Variants in CNTNAP4 observed in about 807,000 individuals in gnomAD.
CNTNAP4 encodes contactin associated protein family member 4, also known as contactin-associated protein-like 4.
A neutral mutation model predicts 148.4 loss-of-function variants in CNTNAP4; 98 were observed. The ratio of observed to expected loss-of-function variants is 0.66; its 90% CI spans 0.56 to 0.78. The LOEUF (loss-of-function observed/expected upper bound fraction) is 0.78. Among genes scored for constraint, CNTNAP4 ranks in the 30% least tolerant of loss-of-function variants. CNTNAP4 has a pLI of 0.00. For synonymous variants in CNTNAP4, 730 were observed against 565.1 expected, an observed-to-expected ratio of 1.29 and a Z score of -4.14; for missense variants, 1,935 against 1,565.6, an observed-to-expected ratio of 1.24 and a Z score of -3.98.
chr16:76,535,880 A>G, intron 18 of CNTNAP4, 96 bp downstream of exon 18: 1 of 1,391,830 alleles, frequency 7.2e-7, no homozygotes. Context: ...AAACAAAAAA[A>G]ATTCAATTTC....
chr16:76,324,518 A>G (rs1962761101), intron 2 of CNTNAP4, among the ~76,000 whole-genome samples: 1 of 152,196 alleles, frequency 6.6e-6, no homozygotes, highest in Non-Finnish European at 1.5e-5. Flanking sequence ...AAGGAAGAAG[A>G]AACCAAATAA....
chr16:76,338,622 C>G (rs2144324339), intron 2 of CNTNAP4, among the ~76,000 whole-genome samples: 1 of 152,292 alleles, frequency 6.6e-6, no homozygotes. Flanking sequence ...CTCTTGTAAT[C>G]TGCATCACCT....
chr16:76,557,233 G>C (rs2085234924), intron 23 of CNTNAP4: 1 of 152,070 alleles, frequency 6.6e-6, no homozygotes, highest in Admixed American at 6.5e-5. Context: ...CACAACATAT[G>C]CTGTGTAATT....
intron 7 of CNTNAP4, 83 bp from the exon 8 acceptor site, chr16:76,452,425 A>G: frequency 7.2e-7 from 1 of 1,382,502 alleles, no homozygotes; most frequent in Non-Finnish European, 1.0e-6. Context: ...GGATAATGTG[A>G]GATTGAAAAG....
rs905130888 is a variant in CNTNAP4, at chr16:76,430,782, A to G, written c.538+3183A>G. 3.9e-5 allele frequency among the ~76,000 whole-genome samples: 6 copies of G among 152,138 alleles called. No homozygotes were observed. The South Asian group carries it at 6.2e-4, about 16-fold the overall frequency. ...CAGACTGCTTCATCTCTTCTGACAT[A>G]GAAGAAGGTGAACTTAAGAGAAATT... On this transcript the variant is annotated intron_variant, in intron 4 of 23. Coordinates refer to ENST00000611870, the MANE Select transcript of CNTNAP4 (RefSeq NM_033401.5).
chr16:76,277,624 C>T lies in CNTNAP4; in HGVS notation c.-39C>T. The T allele has an allele frequency of 6.9e-7, 1 of 1,439,514 alleles. No individual in the cohort carries two copies. Among genetic ancestry groups the T allele is most frequent in the African/African-American group, 1.4e-5 (1 of 71,592 alleles). The allele number at this position is 1,439,514 out of a possible 1,614,324, so 89.2% of individuals were successfully genotyped here. On this transcript the variant is annotated 5_prime_UTR_variant, in exon 1 of 24. Coordinates refer to ENST00000611870, the MANE Select transcript of CNTNAP4 (RefSeq NM_033401.5). ...GAAGAGGACTGGAGCGCTCTGAGAG[C>T]CTCTCAAGATCTTTTGGGGGAGCCC...
At chr16:76,436,775 G>A (rs2079843595) in intron 4 of CNTNAP4, among the ~76,000 whole-genome samples, 1 of 151,994 alleles carries the variant, frequency 6.6e-6, no homozygotes, top group Non-Finnish European at 1.5e-5. Flanking sequence ...TTCATGCCAA[G>A]GACTATCAGT....
chr16:76,342,862 C>A (rs1038702906), intron 2 of CNTNAP4, among the ~76,000 whole-genome samples: 1 of 152,132 alleles, frequency 6.6e-6, no homozygotes, highest in African/African-American at 2.4e-5. Flanking sequence ...AAAGCAATAA[C>A]AACTGCAACG....
At chr16:76,543,979 C>T (rs578018855) in intron 21 of CNTNAP4, among the ~76,000 whole-genome samples, 31 of 152,200 alleles carry the variant, frequency 2.0e-4, no homozygotes, top group African/African-American at 5.5e-4. Context: ...AAACAGAGAA[C>T]GCCACTCAAC....
chr16:76,501,304 C>T (rs2082632568), intron 15 of CNTNAP4, among the ~76,000 whole-genome samples: 1 of 152,158 alleles, frequency 6.6e-6, no homozygotes, highest in Non-Finnish European at 1.5e-5. Context: ...TTTTATACAT[C>T]ACGTGTACCT....
intron 15 of CNTNAP4, among the ~76,000 whole-genome samples, chr16:76,505,267 A>ATCCCAGCCCTAAG (rs2082803254): frequency 2.4e-5 from 1 of 41,292 alleles, no homozygotes; most frequent in African/African-American, 3.6e-5. Flanking sequence ...TGGTGTACCC[A>ATCCCAGCCCTAAG]CAATACACAG....
In CNTNAP4 at chr16:76,277,490, A is replaced by G. The variant is rs1958519603; in HGVS notation, c.-173A>G. On this transcript the variant is annotated 5_prime_UTR_variant, in exon 1 of 24. Transcript: ENST00000611870. Reference sequence around the variant, plus strand: ...GGGGAGAGAGAGAGGGAGAGAGAAGAGAGGGAGGAGGGAAGAAGAAAAGAC... The same window carrying G: ...GGGGAGAGAGAGAGGGAGAGAGAAGGGAGGGAGGAGGGAAGAAGAAAAGAC... 3.4e-6 allele frequency: 2 copies of G among 582,632 alleles called. No individual in the cohort carries two copies. The highest frequency in any genetic ancestry group is 2.2e-5 in the South Asian group (1 of 44,668). 36.1% of individuals were successfully genotyped at this position (582,632 alleles called of 1,614,324 possible).
At chr16:76,294,669 G>T (rs1195717493) in intron 1 of CNTNAP4, among the ~76,000 whole-genome samples, 2 of 152,146 alleles carry the variant, frequency 1.3e-5, no homozygotes, top group African/African-American at 2.4e-5. Flanking sequence ...TATTCATTCA[G>T]TCTATTAAAG....
At chr16:76,508,507 A>G (rs112960038) in intron 15 of CNTNAP4, among the ~76,000 whole-genome samples, 979 of 88,826 alleles carry the variant, frequency 0.011, 135 homozygotes, top group African/African-American at 0.027. Flanking sequence ...TGGAAAATAG[A>G]TTATTTTATG....
intron 5 of CNTNAP4, among the ~76,000 whole-genome samples, chr16:76,448,502 T>C (rs1744662705): frequency 1.3e-5 from 2 of 152,064 alleles, no homozygotes; most frequent in Non-Finnish European, 2.9e-5. Flanking sequence ...GTAAAAATAA[T>C]GAGGTTGTGG....
intron 8 of CNTNAP4, 70 bp from the exon 9 acceptor site, chr16:76,461,886 T>C (rs2080976722): frequency 2.2e-6 from 3 of 1,336,642 alleles, no homozygotes; most frequent in Admixed American, 1.7e-5. Context: ...ATGTGTATAT[T>C]GCTGTTTCTA....
intron 15 of CNTNAP4, among the ~76,000 whole-genome samples, chr16:76,510,644 C>T (rs1003563775): frequency 6.6e-6 from 1 of 152,086 alleles, no homozygotes; most frequent in African/African-American, 2.4e-5. Context: ...GCAGTTGTCT[C>T]GTCTTCTACT....
chr16:76,528,980 T>C (rs568194715), intron 17 of CNTNAP4, among the ~76,000 whole-genome samples: 10 of 152,112 alleles, frequency 6.6e-5, no homozygotes, highest in Non-Finnish European at 1.2e-4. Flanking sequence ...TCATGCAAAG[T>C]AAAGGAAGAA....
chr16:76,515,652 C>T (rs1434222070), intron 15 of CNTNAP4, among the ~76,000 whole-genome samples: 1 of 152,040 alleles, frequency 6.6e-6, no homozygotes, highest in Non-Finnish European at 1.5e-5. Context: ...ACACAATGGG[C>T]AAAAGACGTG....
Sources: allele counts gnomAD v4.1 joint callset (sites outside exome capture counted in the v4.1 genomes callset), GRCh38; gene constraint gnomAD v4.1.1; transcripts MANE v1.5; gene names NCBI Gene and HGNC (gene_info 2026-07-23, HGNC 2026-07-21).